The following ANKRD11 variants were observed in gnomAD, a reference collection of about 807,000 sequenced individuals.
ANKRD11 encodes the protein ankyrin repeat domain-containing protein 11.
A neutral mutation model predicts 195.7 loss-of-function variants in ANKRD11; 17 were observed. The observed-to-expected ratio is 0.09, with a 90% confidence interval of 0.06 to 0.13. The LOEUF is 0.13. ANKRD11 is among the 10% of genes least tolerant of loss of function. The pLI is 1.00. For missense variants in ANKRD11, 3,735 were observed against 3,566.1 expected (o/e 1.05, Z -1.21); for synonymous variants, 1,953 against 1,528.1 (o/e 1.28, Z -6.49).
intron 1 of ANKRD11, among the ~76,000 whole-genome samples, chr16:89,448,951 T>C (rs2043932826): frequency 6.6e-6 from 1 of 152,200 alleles, no homozygotes; most frequent in Non-Finnish European, 1.5e-5. Context: ...ATATCACCAT[T>C]GTATTTAGTT....
At chr16:89,442,842 C>T (rs1280697576) in intron 1 of ANKRD11, among the ~76,000 whole-genome samples, 1 of 152,220 alleles carries the variant, frequency 6.6e-6, no homozygotes, top group African/African-American at 2.4e-5. Flanking sequence ...GCTCCTGCCC[C>T]TTACAGCACA....
chr16:89,465,603 C>T (rs1343012992), intron 1 of ANKRD11, among the ~76,000 whole-genome samples: 1 of 152,202 alleles, frequency 6.6e-6, no homozygotes, highest in African/African-American at 2.4e-5. Flanking sequence ...AGGAAAAAGT[C>T]GCTTCTGTGT....
At chr16:89,464,591 G>C (rs1417874381) in intron 1 of ANKRD11, among the ~76,000 whole-genome samples, 1 of 134,004 alleles carries the variant, frequency 7.5e-6, no homozygotes, top group Non-Finnish European at 1.5e-5. Context: ...CTGGGCGACA[G>C]AGTGAGACTC....
In ANKRD11 at chr16:89,337,007, CAAAAAAAAAA is replaced by C. The variant is rs60248736; in HGVS notation, c.-59-19939_-59-19930del. On this transcript the variant is annotated intron_variant, in intron 2 of 12. Coordinates refer to ENST00000301030, the MANE Select transcript of ANKRD11 (RefSeq NM_013275.6). ...CAACATGGTGAAACCCTGGCTCTAC[CAAAAAAAAAA>C]AAAAAAAAAAAAAAAAAAATTAGCC... 7.0e-3 allele frequency among the ~76,000 whole-genome samples: 333 copies of C among 47,748 alleles called. 3 individuals carry two copies. Among genetic ancestry groups the C allele is most frequent in the African/African-American group, 0.025 (314 of 12,562 alleles). 31.3% of individuals were successfully genotyped at this position (47,748 alleles called of 152,430 possible). A position where few individuals can be genotyped will look rare whatever the true frequency, so the allele number is the denominator to read the frequency against.
At position 89,280,021 on chromosome 16, in the gene ANKRD11, A is replaced by G; in HGVS notation, c.6521T>C (p.Ile2174Thr). Residue 2174 changes from isoleucine (I) to threonine (T), a missense_variant, in exon 9 of 13, where the codon ATA becomes ACA. Transcript: ENST00000301030. ...TACGGTGGAAACATCCCCACCGTTT[A>G]TGACCCCGGGGGCCCCTGGAGGCAT... ...EEMPPGAPGV[I>T]NGGDVSTVVA... 6.2e-7 allele frequency: 1 copy of G among 1,612,716 alleles called. No homozygotes were observed. Among genetic ancestry groups the G allele is most frequent in the Non-Finnish European group, 8.5e-7 (1 of 1,179,936 alleles).
chr16:89,315,840 G>A (rs529668977), intron 3 of ANKRD11, among the ~76,000 whole-genome samples: 185 of 152,282 alleles, frequency 1.2e-3, no homozygotes, highest in African/African-American at 4.3e-3. Context: ...GGTTATGTTC[G>A]CGTGTGGAAC....
At chr16:89,490,047 C>A (rs2057771344) in intron 1 of ANKRD11, among the ~76,000 whole-genome samples, 198 bp downstream of exon 1, 1 of 147,494 alleles carries the variant, frequency 6.8e-6, no homozygotes, top group African/African-American at 2.5e-5. Flanking sequence ...CCCGTAGGCC[C>A]GCTCCGGGAC....
intron 4 of ANKRD11, chr16:89,299,170 A>G: frequency 6.4e-6 from 1 of 156,478 alleles, no homozygotes; most frequent in Non-Finnish European, 1.4e-5. Context: ...GCCCCTGTGT[A>G]TCGAGGAGAG....
At chr16:89,344,259 C>G (rs1597722699) in intron 2 of ANKRD11, among the ~76,000 whole-genome samples, 1 of 152,272 alleles carries the variant, frequency 6.6e-6, no homozygotes, top group East Asian at 1.9e-4. Flanking sequence ...TACTTTCATA[C>G]GTTATTTTAT....
chr16:89,322,575 T>A (rs2037395139), intron 2 of ANKRD11, among the ~76,000 whole-genome samples: 1 of 151,644 alleles, frequency 6.6e-6, no homozygotes, highest in Non-Finnish European at 1.5e-5. Flanking sequence ...AGGGAAGCTC[T>A]CCCAGAACCT....
intron 1 of ANKRD11, among the ~76,000 whole-genome samples, chr16:89,468,586 T>C (rs1179997620): frequency 1.3e-5 from 2 of 152,164 alleles, no homozygotes; most frequent in Admixed American, 6.5e-5. Context: ...AGGCCTGTAA[T>C]GTTAGCTACT....
intron 2 of ANKRD11, among the ~76,000 whole-genome samples, chr16:89,346,239 C>A (rs2152013937): frequency 1.4e-5 from 2 of 144,554 alleles, no homozygotes; most frequent in South Asian, 2.2e-4. Flanking sequence ...CAGAGGGAGA[C>A]CCCGTCTCAG....
chr16:89,289,543 C>G (rs992245088), intron 6 of ANKRD11, among the ~76,000 whole-genome samples: 1 of 152,164 alleles, frequency 6.6e-6, no homozygotes, highest in Non-Finnish European at 1.5e-5. Flanking sequence ...TCAGTTCTCT[C>G]CGGGTCCCAG....
chr16:89,406,035 C>T (rs1335164252), intron 2 of ANKRD11, among the ~76,000 whole-genome samples: 3 of 148,618 alleles, frequency 2.0e-5, no homozygotes, highest in Admixed American at 6.8e-5. Flanking sequence ...ACCTGAACCC[C>T]GAAGGCAGAG....
intron 2 of ANKRD11, among the ~76,000 whole-genome samples, chr16:89,317,703 C>T (rs558140563): frequency 2.2e-4 from 34 of 152,346 alleles, no homozygotes; most frequent in Admixed American, 1.0e-3. Flanking sequence ...CCTCAGGCTC[C>T]AGCTCCTGGG....
chr16:89,280,387 T>A lies in ANKRD11; in HGVS notation c.6155A>T (p.Glu2052Val). 4 of 1,562,012 alleles carry A rather than the reference T, an allele frequency of 2.6e-6. No homozygotes were observed. The highest frequency in any genetic ancestry group is 3.5e-6 in the Non-Finnish European group (4 of 1,154,960). Residue 2052 changes from glutamate (E) to valine (V), a missense_variant, in exon 9 of 13, where the codon GAG becomes GTG. Physicochemically the swap from Glu to Val is moderately radical, Grantham distance 121. Transcript: ENST00000301030. ...DAVPAAISTS[E>V]AAPYAPPSGL... The stretch of plus-strand genomic sequence containing the variant: ...GGAGGGAGGGGCGTAGGGAGCCGCC[T>A]CTGAGGTGGAGATGGCGGCGGGGAC...
At chr16:89,396,780 A>G (rs1597274513) in intron 2 of ANKRD11, among the ~76,000 whole-genome samples, 3 of 152,142 alleles carry the variant, frequency 2.0e-5, no homozygotes, top group African/African-American at 7.2e-5. Context: ...TCCGCCTCCC[A>G]GGTTCACGCC....
intron 2 of ANKRD11, among the ~76,000 whole-genome samples, chr16:89,359,977 G>A (rs1597782832): frequency 1.3e-5 from 2 of 152,076 alleles, no homozygotes; most frequent in East Asian, 3.9e-4. Context: ...GGCGGGGGGG[G>A]AGGTTGTACG....
intron 2 of ANKRD11, among the ~76,000 whole-genome samples, chr16:89,382,674 C>A (rs1442680266): frequency 6.6e-6 from 1 of 151,402 alleles, no homozygotes; most frequent in Non-Finnish European, 1.5e-5. Context: ...TAGATGGGGT[C>A]TCACTATGTT....
Sources: gnomAD v4.1 joint callset for allele counts (sites outside exome capture counted in the v4.1 genomes callset) on GRCh38, gnomAD v4.1.1 for gene constraint, MANE v1.5 for transcripts, NCBI Gene and HGNC (gene_info 2026-07-23, HGNC 2026-07-21) for gene names.